TBC1D4: variants seen among roughly 807,000 people sequenced by gnomAD.
TBC1D4 encodes TBC1 domain family member 4, also known as TBC (Tre-2, BUB2, CDC16) domain-containing protein.
Under a neutral mutation model 142.5 loss-of-function variants are expected in TBC1D4, and 121 were observed. That is an observed-to-expected ratio of 0.85 (90% CI 0.73 to 0.99). TBC1D4 has a LOEUF of 0.99. Among genes scored for constraint, TBC1D4 ranks in the 50% least tolerant of loss-of-function variants. The probability of loss-of-function intolerance (pLI) is 0.00; values close to 1 mark genes in which losing one functional copy is unlikely to be tolerated. For synonymous variants in TBC1D4, 630 were observed against 628.2 expected (o/e 1.00, Z -0.04); for missense variants, 1,475 against 1,606.6 (o/e 0.92, Z 1.40).
chr13:75,356,607 C>T (rs1430711068), intron 3 of TBC1D4, among the ~76,000 whole-genome samples: 1 of 152,170 alleles, frequency 6.6e-6, no homozygotes, highest in African/African-American at 2.4e-5. Context: ...GTCTGATATT[C>T]ATCATAAACC....
chr13:75,289,174 AT>A (rs1208945995), intron 19 of TBC1D4, 64 bp from the exon 20 acceptor site: 1 of 1,575,536 alleles, frequency 6.3e-7, no homozygotes, highest in Non-Finnish European at 8.7e-7. Flanking sequence ...CAGCCTGTTT[AT>A]CTTGGTATAT....
chr13:75,350,041 T>C (rs1034977300), intron 4 of TBC1D4, among the ~76,000 whole-genome samples: 3 of 152,214 alleles, frequency 2.0e-5, no homozygotes, highest in East Asian at 3.8e-4. Context: ...GATGCTTCTT[T>C]GAAACCAACT....
At chr13:75,384,161 G>A (rs940282973) in intron 1 of TBC1D4, among the ~76,000 whole-genome samples, 6 of 152,090 alleles carry the variant, frequency 3.9e-5, no homozygotes, top group South Asian at 2.1e-4. Context: ...AGTGGCTCAC[G>A]CCTGTGCTGG....
intron 11 of TBC1D4, among the ~76,000 whole-genome samples, chr13:75,320,737 ATAG>A (rs1051081801): frequency 1.3e-5 from 2 of 151,958 alleles, no homozygotes; most frequent in Non-Finnish European, 2.9e-5. Flanking sequence ...TAAAAAAGTA[ATAG>A]TAGGCTGGGC....
intron 1 of TBC1D4, among the ~76,000 whole-genome samples, chr13:75,452,275 A>T (rs570111428): frequency 9.8e-5 from 15 of 152,340 alleles, no homozygotes; most frequent in African/African-American, 3.6e-4. Flanking sequence ...CATTTCCTCC[A>T]TAGTAAATAA....
intron 1 of TBC1D4, among the ~76,000 whole-genome samples, chr13:75,393,116 T>TACACAC (rs34205789): frequency 0.049 from 6,961 of 141,394 alleles, 195 homozygotes; most frequent in Non-Finnish European, 0.057. Flanking sequence ...TAAATTAAAA[T>TACACAC]ACACACACAC....
chr13:75,397,305 A>G (rs1185356576), intron 1 of TBC1D4, among the ~76,000 whole-genome samples: 1 of 152,224 alleles, frequency 6.6e-6, no homozygotes, highest in African/African-American at 2.4e-5. Context: ...TCAACTTACA[A>G]AGCATAAATT....
Position 75,408,097 on chromosome 13 carries a change from C to T in TBC1D4, c.499-45490G>A, listed in dbSNP as rs374362319. Reference sequence around the variant, plus strand: ...CCAGAAAGAACCCTGTACCCGTCACCAATCGCACCTCCATATCTGGACCTT... The same window carrying T: ...CCAGAAAGAACCCTGTACCCGTCACTAATCGCACCTCCATATCTGGACCTT... On this transcript the variant is annotated intron_variant, in intron 1 of 20. Transcript: ENST00000377636. 7.9e-5 allele frequency among the ~76,000 whole-genome samples: 12 copies of T among 152,286 alleles called. 1 individual carries two copies. In the East Asian group the frequency reaches 2.1e-3, roughly 27 times the overall value.
intron 1 of TBC1D4, among the ~76,000 whole-genome samples, chr13:75,412,403 T>C (rs1885714173): frequency 6.6e-6 from 1 of 152,160 alleles, no homozygotes; most frequent in East Asian, 1.9e-4. Context: ...CCACCTCAGG[T>C]TCCTGAGTAG....
intron 1 of TBC1D4, among the ~76,000 whole-genome samples, chr13:75,444,670 C>T (rs1186051896): frequency 1.3e-5 from 2 of 152,256 alleles, no homozygotes; most frequent in African/African-American, 4.8e-5. Context: ...TTAACACTTA[C>T]AAAACAACTC....
At chr13:75,415,447 T>A (rs1172959509) in intron 1 of TBC1D4, among the ~76,000 whole-genome samples, 1 of 152,220 alleles carries the variant, frequency 6.6e-6, no homozygotes, top group Non-Finnish European at 1.5e-5. Context: ...ACATAGGCAT[T>A]AAACCATCTG....
intron 7 of TBC1D4, 84 bp downstream of exon 7, chr13:75,341,041 A>G (rs1880647293): frequency 8.2e-7 from 1 of 1,221,174 alleles, no homozygotes; most frequent in Non-Finnish European, 1.2e-6. Flanking sequence ...CTTTAGCCCT[A>G]AAGAACCTGA....
chr13:75,342,637 T>C (rs1205244720), intron 5 of TBC1D4, among the ~76,000 whole-genome samples: 1 of 152,116 alleles, frequency 6.6e-6, no homozygotes, highest in Non-Finnish European at 1.5e-5. Flanking sequence ...CATGAGAAGG[T>C]TGTTTTTAAA....
At chr13:75,360,564 G>GT (rs935858119) in intron 2 of TBC1D4, among the ~76,000 whole-genome samples, 18 of 145,284 alleles carry the variant, frequency 1.2e-4, no homozygotes, top group African/African-American at 3.2e-4. Context: ...TCAGGGGTGT[G>GT]TTTTTTTTTA....
At chr13:75,313,979 T>G (rs1878038970) in intron 12 of TBC1D4, among the ~76,000 whole-genome samples, 2 of 152,310 alleles carry the variant, frequency 1.3e-5, no homozygotes, top group South Asian at 4.1e-4. Flanking sequence ...CCTCAATTTT[T>G]GGGGGACAGG....
Position 75,341,131 on chromosome 13 carries a change from G to T in TBC1D4, c.1605C>A (p.Gly535=), listed in dbSNP as rs1880658800. The T allele has an allele frequency of 8.1e-6, 13 of 1,612,612 alleles. No individual in the cohort carries two copies. Among genetic ancestry groups the T allele is most frequent in the African/African-American group, 1.3e-5 (1 of 74,682 alleles). Residue 535 remains glycine (G), a synonymous_variant, in exon 7 of 21, where the codon GGC becomes GGA. Coordinates refer to ENST00000377636, the MANE Select transcript of TBC1D4 (RefSeq NM_014832.5). ...KQKTHVHIGE[G]PSTISNSTIP... The stretch of plus-strand genomic sequence containing the variant: ...GTAGGAAATATCTTCTCACAGAAGG[G>T]CCTTCCCCGATGTGCACGTGTGTCT...
In TBC1D4 at chr13:75,284,154, G is replaced by A. The variant is rs1001103069; in HGVS notation, c.*2638C>T. 2.0e-5 allele frequency among the ~76,000 whole-genome samples: 3 copies of A among 152,002 alleles called. No homozygotes were observed. The highest frequency in any genetic ancestry group is 4.4e-5 in the Non-Finnish European group (3 of 67,992). Reference sequence around the variant, plus strand: ...CACCATGCAGATCTTGTAAAGCAGCGGTCTTCAACCTTCTTGACACCAGGG... The same window carrying A: ...CACCATGCAGATCTTGTAAAGCAGCAGTCTTCAACCTTCTTGACACCAGGG... On this transcript the variant is annotated 3_prime_UTR_variant, in exon 21 of 21. Transcript: ENST00000377636.
intron 16 of TBC1D4, among the ~76,000 whole-genome samples, chr13:75,300,254 A>G (rs896214116): frequency 6.6e-6 from 1 of 152,196 alleles, no homozygotes; most frequent in Non-Finnish European, 1.5e-5. Flanking sequence ...TCCCCTCTAA[A>G]ATATACCTCT....
At chr13:75,467,252 ACTGT>A (rs1264127855) in intron 1 of TBC1D4, among the ~76,000 whole-genome samples, 2 of 152,206 alleles carry the variant, frequency 1.3e-5, no homozygotes, top group African/African-American at 2.4e-5. Flanking sequence ...ATGTTGTGAA[ACTGT>A]CTATTTTCAT....
Sources: gnomAD v4.1 joint callset for allele counts (sites outside exome capture counted in the v4.1 genomes callset) on GRCh38, gnomAD v4.1.1 for gene constraint, MANE v1.5 for transcripts, NCBI Gene and HGNC (gene_info 2026-07-23, HGNC 2026-07-21) for gene names.